CR1L: variants seen among roughly 807,000 people sequenced by gnomAD.
CR1L encodes complement C3b/C4b receptor 1 like, also known as complement component receptor 1-like protein.
Under a neutral mutation model 62.3 loss-of-function variants are expected in CR1L, and 59 were observed. The observed-to-expected ratio is 0.95, with a 90% CI of 0.77 to 1.18. CR1L has a LOEUF of 1.18. Among genes scored for constraint, CR1L ranks in the 50% most tolerant of loss-of-function variants. The pLI is 0.00. For synonymous variants in CR1L, 279 were observed against 248.7 expected (o/e 1.12, Z -1.15); for missense variants, 700 against 702.8 (o/e 1.00, Z 0.04).
intron 1 of CR1L, among the ~76,000 whole-genome samples, chr1:207,668,760 A>C (rs1663562692): frequency 6.6e-6 from 1 of 151,012 alleles, no homozygotes; most frequent in Admixed American, 6.6e-5. Context: ...ATCTTTGTTA[A>C]TTGTCCACTT....
At chr1:207,652,758 T>A in intron 1 of CR1L, 1 of 744,198 alleles carries the variant, frequency 1.3e-6, no homozygotes, top group Non-Finnish European at 2.4e-6. Flanking sequence ...GCCTTTTTTT[T>A]TTGTTTTCTG....
In CR1L at chr1:207,701,721, G is replaced by A. The variant is rs147664728; in HGVS notation, c.1328+103G>A. Reference sequence around the variant, plus strand: ...AACTAGGCTGTTGCCACCTGCTCTTGAGAGGTTTGAACACAGGTATTAACT... The same window carrying A: ...AACTAGGCTGTTGCCACCTGCTCTTAAGAGGTTTGAACACAGGTATTAACT... On this transcript the variant is annotated intron_variant, in intron 9 of 11. Coordinates refer to ENST00000508064, the MANE Select transcript of CR1L (RefSeq NM_175710.2). The A allele has an allele frequency of 3.3e-4, 485 of 1,458,776 alleles. 3 individuals carry two copies. In the African/African-American group the frequency reaches 6.2e-3, roughly 19 times the overall value. The allele number at this position is 1,458,776 out of a possible 1,614,324, so 90.4% of individuals were successfully genotyped here.
In CR1L at chr1:207,699,667, A is replaced by C. The variant is rs1207159611; in HGVS notation, c.1228+393A>C. 2.0e-5 allele frequency among the ~76,000 whole-genome samples: 3 copies of C among 151,292 alleles called. No individual in the cohort carries two copies. In the East Asian group the frequency reaches 5.8e-4, roughly 29 times the overall value. On this transcript the variant is annotated intron_variant, in intron 8 of 11. Coordinates refer to ENST00000508064, the MANE Select transcript of CR1L (RefSeq NM_175710.2). ...TCCTTCTTTTTCATTTTGTTCTCCA[A>C]TCAATGTGCAGTCAGTCTACAATTT...
chr1:207,717,797 G>A (rs1286112141), intron 11 of CR1L, 106 bp downstream of exon 11: 6 of 1,377,648 alleles, frequency 4.4e-6, no homozygotes, highest in Admixed American at 4.1e-5. Context: ...TGGCTTTGCT[G>A]TAACTGTCAG....
chr1:207,709,663 C>A (rs565939527), intron 10 of CR1L, among the ~76,000 whole-genome samples: 16 of 151,936 alleles, frequency 1.1e-4, no homozygotes, highest in South Asian at 8.3e-4. Flanking sequence ...ATGGTGCTAC[C>A]CCATCTCTAC....
rs1431522584 is a variant in CR1L at position 207,645,153 on chromosome 1, T to G, written c.-81T>G. 1 of 1,401,204 alleles carries G rather than the reference T, an allele frequency of 7.1e-7. No individual in the cohort carries two copies. The highest frequency in any genetic ancestry group is 2.3e-5 in the East Asian group (1 of 43,756). 86.8% of individuals were successfully genotyped at this position (1,401,204 alleles called of 1,614,324 possible). A position where few individuals can be genotyped will look rare whatever the true frequency, so the allele number is the denominator to read the frequency against. On this transcript the variant is annotated 5_prime_UTR_variant, in exon 1 of 12. Transcript: ENST00000508064. ...GGATTGTTGTGTCCACTAACCGGAC[T>G]CAGAAGGGACTTCCCTGCTCGGCTG...
chr1:207,652,653 C>A, intron 1 of CR1L: 1 of 1,103,784 alleles, frequency 9.1e-7, no homozygotes, highest in Non-Finnish European at 1.4e-6. Flanking sequence ...AAAAAGGACA[C>A]TTCTACGTAC....
In CR1L at chr1:207,695,936, C is replaced by A. The variant is rs114395521; in HGVS notation, c.862+1185C>A. Among the ~76,000 whole-genome samples the A allele has an allele frequency of 8.6e-3, 1,316 of 152,302 alleles. 20 individuals are homozygous for A. Among genetic ancestry groups the A allele is most frequent in the African/African-American group, 0.025 (1,020 of 41,558 alleles). ...TGATCCAGTCACTTCCCACTAGGCT[C>A]CTCCTCCAACACTGGGAATTACAAT... is the stretch of plus-strand genomic sequence containing the variant. On this transcript the variant is annotated intron_variant, in intron 5 of 11. Transcript: ENST00000508064.
chr1:207,682,963 T>C (rs2102461394), intron 3 of CR1L, among the ~76,000 whole-genome samples: 1 of 100,258 alleles, frequency 1.0e-5, no homozygotes, highest in East Asian at 5.0e-4. Context: ...TAAATCATTT[T>C]CTTTCTTTCT....
At chr1:207,651,754 G>GCTA (rs1663227323) in intron 1 of CR1L, among the ~76,000 whole-genome samples, 1 of 152,174 alleles carries the variant, frequency 6.6e-6, no homozygotes, top group Admixed American at 6.5e-5. Flanking sequence ...CAATCCAACA[G>GCTA]CTACCTCAGG....
intron 1 of CR1L, among the ~76,000 whole-genome samples, chr1:207,649,528 A>G (rs12083648): frequency 8.9e-4 from 136 of 152,246 alleles, no homozygotes; most frequent in African/African-American, 3.1e-3. Flanking sequence ...AGTAGTAGGC[A>G]ATTTCTTGAG....
intron 9 of CR1L, among the ~76,000 whole-genome samples, chr1:207,706,231 G>A (rs2102475942): frequency 6.6e-6 from 1 of 151,714 alleles, no homozygotes; most frequent in Middle Eastern, 3.4e-3. Context: ...ACCAGCCTGG[G>A]CAATAAGGCA....
intron 8 of CR1L, among the ~76,000 whole-genome samples, chr1:207,699,743 AT>A (rs1477762890): frequency 6.6e-6 from 1 of 152,182 alleles, no homozygotes; most frequent in African/African-American, 2.4e-5. Context: ...TATTTAATCA[AT>A]TATTTATTGA....
chr1:207,700,912 G>T (rs1664179904), intron 8 of CR1L, among the ~76,000 whole-genome samples: 1 of 152,200 alleles, frequency 6.6e-6, no homozygotes, highest in African/African-American at 2.4e-5. Flanking sequence ...AAGTTGTAAA[G>T]TAAGTAAACT....
chr1:207,686,872 A>G (rs1663919650), intron 4 of CR1L, among the ~76,000 whole-genome samples: 2 of 152,190 alleles, frequency 1.3e-5, no homozygotes, highest in Admixed American at 6.5e-5. Flanking sequence ...TAGCGTCCTA[A>G]TAAAAGAGGC....
rs146972505 is a variant in CR1L, at chr1:207,665,983, C to A, written c.98-11406C>A. On this transcript the variant is annotated intron_variant, in intron 1 of 11. Coordinates refer to ENST00000508064, the MANE Select transcript of CR1L (RefSeq NM_175710.2). ...ATACATGGGTCTCCATTAGTGAAGC[C>A]GCACTGAGTAGAGAATAGTTTTCTA... Among the ~76,000 whole-genome samples, 190 of 152,228 alleles carry A rather than the reference C, an allele frequency of 1.2e-3. 4 individuals carry two copies. The East Asian group carries it at 0.03, about 24-fold the overall frequency.
chr1:207,654,316 T>C (rs1322086341), intron 1 of CR1L, among the ~76,000 whole-genome samples: 10 of 152,182 alleles, frequency 6.6e-5, no homozygotes, highest in Non-Finnish European at 1.5e-4. Flanking sequence ...AGTAGAAATA[T>C]TGGAGTATTC....
At chr1:207,714,293 C>G (rs1571537261) in intron 10 of CR1L, among the ~76,000 whole-genome samples, 1 of 152,100 alleles carries the variant, frequency 6.6e-6, no homozygotes, top group Admixed American at 6.5e-5. Context: ...ACAAAGCCAC[C>G]ACTCAAAGGT....
intron 10 of CR1L, among the ~76,000 whole-genome samples, chr1:207,712,383 A>G (rs1427431564): frequency 6.6e-6 from 1 of 152,224 alleles, no homozygotes; most frequent in Non-Finnish European, 1.5e-5. Flanking sequence ...GTAGATTTAC[A>G]GGTGAATTTT....
Sources: allele counts gnomAD v4.1 joint callset (sites outside exome capture counted in the v4.1 genomes callset), GRCh38; gene constraint gnomAD v4.1.1; transcripts MANE v1.5; gene names NCBI Gene and HGNC (gene_info 2026-07-23, HGNC 2026-07-21).